Variants in DOCK3 observed in about 807,000 individuals in gnomAD.
The protein encoded by DOCK3 is dedicator of cytokinesis 3, also known as dedicator of cytokinesis protein 3.
Under a neutral mutation model 265.6 loss-of-function variants are expected in DOCK3, and 60 were observed. That is an observed-to-expected ratio of 0.23 (90% CI 0.18 to 0.28). The LOEUF is 0.28. DOCK3 is among the 10% of genes least tolerant of loss of function. The probability of loss-of-function intolerance (pLI) is 1.00; values close to 1 mark genes in which losing one functional copy is unlikely to be tolerated. For synonymous variants in DOCK3, 881 were observed against 938.0 expected (o/e 0.94, Z 1.11); for missense variants, 1,981 against 2,594.3 (o/e 0.76, Z 5.14).
At chr3:51,248,961 C>T (rs1340747753) in intron 22 of DOCK3, among the ~76,000 whole-genome samples, 3 of 148,716 alleles carry the variant, frequency 2.0e-5, no homozygotes, top group South Asian at 2.1e-4. Context: ...GCCCGGCAGC[C>T]GCCCCTATGA....
chr3:51,187,163 T>A (rs939574442), intron 12 of DOCK3, among the ~76,000 whole-genome samples: 3 of 152,174 alleles, frequency 2.0e-5, no homozygotes, highest in African/African-American at 7.2e-5. Flanking sequence ...CCACAGTGGG[T>A]GGAGCTGCCC....
intron 2 of DOCK3, among the ~76,000 whole-genome samples, chr3:50,827,210 G>A (rs1021556295): frequency 1.3e-5 from 2 of 152,128 alleles, no homozygotes; most frequent in African/African-American, 2.4e-5. Context: ...AATGCCGAAG[G>A]AAAATGTGTG....
At chr3:51,362,700 A>G (rs1393710304) in intron 49 of DOCK3, 26 bp downstream of exon 49, 1 of 1,608,416 alleles carries the variant, frequency 6.2e-7, no homozygotes, top group Non-Finnish European at 8.5e-7. Flanking sequence ...TGCTACTTGC[A>G]GAATGGAGAA....
intron 27 of DOCK3, among the ~76,000 whole-genome samples, chr3:51,289,537 A>G (rs574102761): frequency 6.6e-6 from 1 of 152,326 alleles, no homozygotes; most frequent in Non-Finnish European, 1.5e-5. Context: ...AGAAAACAAA[A>G]CAGCACTAGT....
intron 5 of DOCK3, among the ~76,000 whole-genome samples, chr3:50,958,082 T>C (rs2076777855): frequency 6.6e-6 from 1 of 152,250 alleles, no homozygotes; most frequent in Non-Finnish European, 1.5e-5. Context: ...ATATGTCTTC[T>C]AATTTCTCCT....
At chr3:50,898,394 G>A (rs1322168545) in intron 4 of DOCK3, among the ~76,000 whole-genome samples, 11 of 151,978 alleles carry the variant, frequency 7.2e-5, no homozygotes. Flanking sequence ...TCTGGCTAGC[G>A]GTCTACCTAT....
chr3:50,926,037 C>T (rs1314089511), intron 4 of DOCK3, among the ~76,000 whole-genome samples: 7 of 151,686 alleles, frequency 4.6e-5, no homozygotes, highest in South Asian at 2.1e-4. Context: ...TTTACCATGT[C>T]GGCCAGGCTG....
At chr3:51,328,867 AAGGGGTC>A (rs1374168561) in intron 32 of DOCK3, among the ~76,000 whole-genome samples, 5 of 152,180 alleles carry the variant, frequency 3.3e-5, no homozygotes, top group African/African-American at 4.8e-5. Flanking sequence ...AAGGTTAACA[AAGGGGTC>A]CAGTACGGTG....
At chr3:51,214,541 A>G (rs2108225549) in intron 14 of DOCK3, among the ~76,000 whole-genome samples, 1 of 152,240 alleles carries the variant, frequency 6.6e-6, no homozygotes, top group East Asian at 1.9e-4. Flanking sequence ...TGAATATGGA[A>G]CCTTCATGGA....
In DOCK3 at chr3:51,169,824, T is replaced by C. The variant is rs2086588363; in HGVS notation, c.1037+9122T>C. Among the ~76,000 whole-genome samples, 3 of 152,296 alleles carry C rather than the reference T, an allele frequency of 2.0e-5. No homozygotes were observed. In the South Asian group the frequency reaches 6.2e-4, roughly 32 times the overall value. ...GGTACGTCACATTTATTGATTCATG[T>C]ATGTTTAACCATCGTGCTATCCCAG... On this transcript the variant is annotated intron_variant, in intron 12 of 52. Coordinates refer to ENST00000266037, the MANE Select transcript of DOCK3 (RefSeq NM_004947.5).
intron 3 of DOCK3, among the ~76,000 whole-genome samples, chr3:50,851,609 C>T (rs1458203986): frequency 6.6e-6 from 1 of 152,164 alleles, no homozygotes; most frequent in South Asian, 2.1e-4. Flanking sequence ...CTTAGGGAAG[C>T]AGGCTGGGGC....
intron 4 of DOCK3, among the ~76,000 whole-genome samples, chr3:50,922,173 G>A (rs2050511820): frequency 6.6e-6 from 1 of 152,196 alleles, no homozygotes; most frequent in Admixed American, 6.5e-5. Flanking sequence ...ACAGAGGCAG[G>A]CAGGCCTCCT....
rs558086054 is a variant in DOCK3, at chr3:51,309,367, C to T, written c.2923-865C>T. Among the ~76,000 whole-genome samples the T allele has an allele frequency of 2.5e-4, 38 of 152,336 alleles. No homozygotes were observed. The East Asian group carries it at 6.6e-3, about 26-fold the overall frequency. ...GAGGCCGAGGCTGGCGGATCACTTG[C>T]GGTTAGGAGCTGGAGACCAGCCCGG... On this transcript the variant is annotated intron_variant, in intron 27 of 52. Coordinates refer to ENST00000266037, the MANE Select transcript of DOCK3 (RefSeq NM_004947.5).
intron 1 of DOCK3, among the ~76,000 whole-genome samples, chr3:50,757,841 G>T (rs1460397849): frequency 6.6e-6 from 1 of 152,002 alleles, no homozygotes; most frequent in Non-Finnish European, 1.5e-5. Context: ...TTGAAAAGAT[G>T]ATTCTTTCTC....
At chr3:51,287,973 A>C (rs1392831751) in intron 27 of DOCK3, among the ~76,000 whole-genome samples, 1 of 152,244 alleles carries the variant, frequency 6.6e-6, no homozygotes, top group Non-Finnish European at 1.5e-5. Context: ...GAACGAGATC[A>C]TGTCCTTTGC....
chr3:51,218,239 GC>G (rs1233658542), intron 14 of DOCK3, among the ~76,000 whole-genome samples: 1 of 151,984 alleles, frequency 6.6e-6, no homozygotes, highest in Non-Finnish European at 1.5e-5. Flanking sequence ...TTCAAGACCA[GC>G]CTGGCCAATA....
chr3:50,850,055 C>G (rs139371657), intron 3 of DOCK3, among the ~76,000 whole-genome samples: 2 of 151,866 alleles, frequency 1.3e-5, no homozygotes, highest in East Asian at 3.9e-4. Flanking sequence ...AGATGTTTAT[C>G]TCTTCCGTCA....
intron 12 of DOCK3, among the ~76,000 whole-genome samples, chr3:51,177,089 A>G (rs1321271322): frequency 6.6e-6 from 1 of 152,216 alleles, no homozygotes; most frequent in Non-Finnish European, 1.5e-5. Flanking sequence ...CTTTGTAATC[A>G]GTCAGGCTTT....
chr3:51,369,559 T>C (rs931262845), intron 49 of DOCK3, among the ~76,000 whole-genome samples: 2 of 152,204 alleles, frequency 1.3e-5, no homozygotes, highest in Admixed American at 1.3e-4. Context: ...AATCTACGTC[T>C]GATTGGTGTA....
Sources: gnomAD v4.1 joint callset for allele counts (sites outside exome capture counted in the v4.1 genomes callset) on GRCh38, gnomAD v4.1.1 for gene constraint, MANE v1.5 for transcripts, NCBI Gene and HGNC (gene_info 2026-07-23, HGNC 2026-07-21) for gene names.